Variants in ADGRD1 observed in about 807,000 individuals in gnomAD.
ADGRD1 encodes G-protein coupled receptor 133.
A neutral mutation model predicts 113.4 loss-of-function variants in ADGRD1; 77 were observed. That is an observed-to-expected ratio of 0.68 (90% CI 0.57 to 0.82). The LOEUF is 0.82. Among genes scored for constraint, ADGRD1 ranks in the 40% least tolerant of loss-of-function variants. The pLI, the probability that ADGRD1 is intolerant of heterozygous loss-of-function variation, is 0.00. For synonymous variants in ADGRD1, 474 were observed against 475.0 expected (o/e 1.00, Z 0.03); for missense variants, 1,036 against 1,139.1 (o/e 0.91, Z 1.30).
intron 5 of ADGRD1, among the ~76,000 whole-genome samples, chr12:130,985,548 A>ATT (rs199785536): frequency 1.2e-5 from 1 of 85,186 alleles, no homozygotes; most frequent in Admixed American, 1.5e-4. Context: ...CAGGTTTAAG[A>ATT]TTTTTTTTTT....
Position 131,138,206 on chromosome 12 carries a change from G to T in ADGRD1, c.2506G>T (p.Ala836Ser), listed in dbSNP as rs144023497. ...LTSSSARTSN[A>S]KPFHSDLMNG... ...GAGCAGCTCTGCCCGCACCTCCAAC[G>T]CGAAGCCCTTCCACTCGGACCTCGT... Residue 836 changes from alanine (A) to serine (S), a missense_variant, in exon 24 of 25, where the codon GCG becomes TCG. Physicochemically the swap from Ala to Ser is moderately conservative, Grantham distance 99 (BLOSUM62 1). Coordinates refer to ENST00000261654, the MANE Select transcript of ADGRD1 (RefSeq NM_198827.5). The T allele has an allele frequency of 8.7e-6, 14 of 1,613,350 alleles. No homozygotes were observed. The South Asian group carries it at 1.4e-4, about 16-fold the overall frequency.
In ADGRD1 at chr12:130,954,408, G is replaced by T; in HGVS notation, c.-58G>T. Reference sequence around the variant, plus strand: ...AAGGAAGTGAAGGTTAAGAGGTCCCGTTCTCACAGACCCTCAGGAATTTCA... The same window carrying T: ...AAGGAAGTGAAGGTTAAGAGGTCCCTTTCTCACAGACCCTCAGGAATTTCA... On this transcript the variant is annotated 5_prime_UTR_variant, in exon 1 of 25. Coordinates refer to ENST00000261654, the MANE Select transcript of ADGRD1 (RefSeq NM_198827.5). The surrounding 1 kb of genome is among the most constrained non-coding windows in gnomAD (Gnocchi z 4.7). The T allele has an allele frequency of 1.4e-6, 2 of 1,437,382 alleles. No homozygotes were observed. Among genetic ancestry groups the T allele is most frequent in the Non-Finnish European group, 1.9e-6 (2 of 1,064,898 alleles). The allele number at this position is 1,437,382 out of a possible 1,614,324, so 89.0% of individuals were successfully genotyped here. A position where few individuals can be genotyped will look rare whatever the true frequency, so the allele number is the denominator to read the frequency against.
At chr12:131,009,600 C>T (rs529250793) in intron 12 of ADGRD1, among the ~76,000 whole-genome samples, 55 of 152,252 alleles carry the variant, frequency 3.6e-4, no homozygotes, top group Middle Eastern at 3.4e-3. Flanking sequence ...TGCAACACAC[C>T]GCTAGTGCTT....
chr12:131,054,224 G>A (rs117328109), intron 13 of ADGRD1, among the ~76,000 whole-genome samples: 41 of 152,336 alleles, frequency 2.7e-4, no homozygotes, highest in Middle Eastern at 3.4e-3. Context: ...GACGATGAAC[G>A]TGTGTGTCAC....
In ADGRD1 at chr12:130,987,108, T is replaced by A. The variant is rs202160600; in HGVS notation, c.504T>A (p.Thr168=). The A allele has an allele frequency of 4.3e-6, 7 of 1,613,900 alleles. No individual in the cohort carries two copies. The Admixed American group carries it at 1.2e-4, about 27-fold the overall frequency. Residue 168 remains threonine (T), a synonymous_variant, in exon 6 of 25, where the codon ACT becomes ACA. Transcript: ENST00000261654. ...ACTCTTTTCCAGGCCCCTATTGGAC[T>A]CATGTCCTATTTACATGGAAATCCA... is the stretch of plus-strand genomic sequence containing the variant. ...ASFSPPGPYW[T]HVLFTWKSKE...
chr12:131,087,497 C>G (rs527252543), intron 15 of ADGRD1, among the ~76,000 whole-genome samples: 3 of 152,362 alleles, frequency 2.0e-5, no homozygotes, highest in Middle Eastern at 3.4e-3. Context: ...CTGCCAAGCC[C>G]TTGCGTGCCG....
intron 18 of ADGRD1, among the ~76,000 whole-genome samples, chr12:131,112,840 T>G (rs1950374859): frequency 2.0e-5 from 3 of 152,194 alleles, no homozygotes; most frequent in Admixed American, 6.5e-5. Context: ...CTCTGCCCAA[T>G]GAGTCAACAG....
intron 13 of ADGRD1, among the ~76,000 whole-genome samples, chr12:131,073,223 T>A (rs1162041227): frequency 6.6e-6 from 1 of 152,266 alleles, no homozygotes; most frequent in Non-Finnish European, 1.5e-5. Context: ...GACTGTCTTA[T>A]GACTCTTTGA....
intron 4 of ADGRD1, chr12:130,978,896 G>A (rs779966282): frequency 3.9e-5 from 6 of 152,118 alleles, no homozygotes; most frequent in Non-Finnish European, 7.4e-5. Context: ...CTTGTGAAAC[G>A]GGTTGTTTCT....
intron 15 of ADGRD1, among the ~76,000 whole-genome samples, chr12:131,089,617 T>C (rs975291357): frequency 6.6e-6 from 1 of 151,910 alleles, no homozygotes; most frequent in Non-Finnish European, 1.5e-5. Context: ...CCCTACCTGA[T>C]GGGTGCTCCC....
In ADGRD1 at chr12:131,139,644, TG is replaced by T. The variant is rs948822284; in HGVS notation, c.*382del. On this transcript the variant is annotated 3_prime_UTR_variant, in exon 25 of 25. Coordinates refer to ENST00000261654, the MANE Select transcript of ADGRD1 (RefSeq NM_198827.5). Reference sequence around the variant, plus strand: ...GCACCAGGAGGGGATGTTCAGCCTCTGTGCCTTGGTGGGGCTTGGGGACTCA... The same window carrying T: ...GCACCAGGAGGGGATGTTCAGCCTCTTGCCTTGGTGGGGCTTGGGGACTCA... 1 of 185,994 alleles carries T rather than the reference TG, an allele frequency of 5.4e-6. No homozygotes were observed. The highest frequency in any genetic ancestry group is 2.3e-5 in the African/African-American group (1 of 42,692). The allele number at this position is 185,994 out of a possible 1,614,324, so 11.5% of individuals were successfully genotyped here.
intron 13 of ADGRD1, among the ~76,000 whole-genome samples, chr12:131,072,527 G>A (rs1292300791): frequency 6.6e-6 from 1 of 152,214 alleles, no homozygotes; most frequent in Non-Finnish European, 1.5e-5. Context: ...AGTAGGTTGT[G>A]AGGTTGGGGA....
chr12:131,105,721 G>C (rs12231083), intron 16 of ADGRD1, 33 bp from the exon 17 acceptor site: 2 of 1,553,664 alleles, frequency 1.3e-6, no homozygotes, highest in East Asian at 4.5e-5. Flanking sequence ...GTCGGCGCAG[G>C]GCCCAGGCCT....
intron 13 of ADGRD1, among the ~76,000 whole-genome samples, chr12:131,031,278 C>T (rs1049242087): frequency 6.6e-6 from 1 of 152,214 alleles, no homozygotes; most frequent in East Asian, 1.9e-4. Context: ...TTGGGTACTG[C>T]GTGCTGCCCT....
chr12:130,983,932 C>T (rs570028011), intron 5 of ADGRD1, among the ~76,000 whole-genome samples: 13 of 152,310 alleles, frequency 8.5e-5, no homozygotes, highest in South Asian at 6.2e-4. Flanking sequence ...GTCTGATGAA[C>T]ATTCTTGTTG....
intron 5 of ADGRD1, among the ~76,000 whole-genome samples, chr12:130,982,625 C>T (rs546540638): frequency 1.4e-4 from 21 of 152,150 alleles, no homozygotes; most frequent in African/African-American, 3.4e-4. Context: ...GCTGAAGAAT[C>T]GGGGAGCAGA....
At position 130,981,911 on chromosome 12, in the gene ADGRD1, C is replaced by T. The variant is rs1873039851; in HGVS notation, c.338C>T (p.Thr113Ile). Residue 113 changes from threonine (T) to isoleucine (I), a missense_variant, in exon 5 of 25, where the codon ACA becomes ATA. By Grantham distance (89) the Thr-to-Ile change is moderately conservative. Coordinates refer to ENST00000261654, the MANE Select transcript of ADGRD1 (RefSeq NM_198827.5). ...EGVTFSFFWK[T>I]QGEQSRPIPS... ...GTCACGTTTTCTTTTTTCTGGAAGA[C>T]ACAAGGAGAACAGTCTAGACCAATC... 1.9e-6 allele frequency: 3 copies of T among 1,612,350 alleles called. No individual in the cohort carries two copies. Among genetic ancestry groups the T allele is most frequent in the Admixed American group, 1.7e-5 (1 of 59,710 alleles).
intron 15 of ADGRD1, among the ~76,000 whole-genome samples, chr12:131,085,029 G>A (rs971843647): frequency 8.5e-5 from 13 of 152,214 alleles, no homozygotes; most frequent in African/African-American, 2.9e-4. Flanking sequence ...GGGCTCCGCT[G>A]TAAACAAGAA....
At chr12:130,975,752 A>G (rs10744487) in intron 4 of ADGRD1, among the ~76,000 whole-genome samples, 136,657 of 152,246 alleles carry the variant, frequency 0.9, 62,258 homozygotes, top group Non-Finnish European at 0.97. Context: ...GTAAAAACAC[A>G]GACAACGGCA....
Sources: gnomAD v4.1 joint callset for allele counts (sites outside exome capture counted in the v4.1 genomes callset) on GRCh38, gnomAD v4.1.1 for gene constraint, Gnocchi (gnomAD v3.1) non-coding constraint, MANE v1.5 for transcripts, NCBI Gene and HGNC (gene_info 2026-07-23, HGNC 2026-07-21) for gene names.